CALHM2: variants seen among roughly 807,000 people sequenced by gnomAD.
CALHM2 encodes the protein calcium homeostasis modulator protein 2.
A neutral mutation model predicts 20.4 loss-of-function variants in CALHM2; 18 were observed. The observed-to-expected ratio is 0.88, with a 90% confidence interval of 0.61 to 1.31. The LOEUF is 1.31. CALHM2 is among the 50% of genes most tolerant of loss of function. The probability of loss-of-function intolerance (pLI) is 0.00; values close to 1 mark genes in which losing one functional copy is unlikely to be tolerated. For missense variants in CALHM2, 411 were observed against 435.7 expected, an observed-to-expected ratio of 0.94 and a Z score of 0.50; for synonymous variants, 193 against 192.1, an observed-to-expected ratio of 1.00 and a Z score of -0.04.
chr10:103,448,505 A>AG (rs1474752333), intron 3 of CALHM2, among the ~76,000 whole-genome samples: 1 of 151,098 alleles, frequency 6.6e-6, no homozygotes, highest in Non-Finnish European at 1.5e-5. Context: ...TGCTCCCTTG[A>AG]GGTCAGGAGT....
chr10:103,447,080 G>T lies in CALHM2; in HGVS notation c.*72C>A. On this transcript the variant is annotated 3_prime_UTR_variant, in exon 4 of 4. Coordinates refer to ENST00000260743, the MANE Select transcript of CALHM2 (RefSeq NM_015916.5). ...TTTTTAAAAATCCCCTTCTGATATG[G>T]ATGTGAGCAAGCAGTGGGGTTCAGT... 7.0e-7 allele frequency: 1 copy of T among 1,418,928 alleles called. No individual in the cohort carries two copies. Among genetic ancestry groups the T allele is most frequent in the Non-Finnish European group, 9.6e-7 (1 of 1,042,498 alleles). 87.9% of individuals were successfully genotyped at this position (1,418,928 alleles called of 1,614,324 possible).
At chr10:103,449,220 C>G in intron 3 of CALHM2, 167 bp downstream of exon 3, 1 of 688,752 alleles carries the variant, frequency 1.5e-6, no homozygotes, top group Non-Finnish European at 2.6e-6. Context: ...CTGGAACTGG[C>G]CCTTGCCCCA....
At chr10:103,449,274 T>C in intron 3 of CALHM2, 113 bp downstream of exon 3, 1 of 913,496 alleles carries the variant, frequency 1.1e-6, no homozygotes, top group Non-Finnish European at 1.8e-6. Context: ...GCTAGTGCTT[T>C]CCCACAGACC....
rs2232662 is a variant in CALHM2, at chr10:103,447,544, C to A, written c.580G>T (p.Val194Leu). The change falls in exon 4 of 4, where the codon GTG becomes TTG. Residue 194 changes from valine to leucine, a missense_variant. Transcript: ENST00000260743. ...SQLFGWLLIG[V>L]VAILVFLTKC... ...GTCAGGAACACCAGGATGGCCACCACGCCGATGAGCAGCCATCCAAAGAGC... is the reference window on the plus strand; with the variant it reads ...GTCAGGAACACCAGGATGGCCACCAAGCCGATGAGCAGCCATCCAAAGAGC... 50 of 1,599,928 alleles carry A rather than the reference C, an allele frequency of 3.1e-5. No homozygotes were observed. Among genetic ancestry groups the A allele is most frequent in the Non-Finnish European group, 4.2e-5 (49 of 1,171,196 alleles).
rs774881507 is a variant in CALHM2 at position 103,449,457 on chromosome 10, C to G, written c.485G>C (p.Cys162Ser). 1 of 1,613,296 alleles carries G rather than the reference C, an allele frequency of 6.2e-7. No individual in the cohort carries two copies. Among genetic ancestry groups the G allele is most frequent in the South Asian group, 1.1e-5 (1 of 91,092 alleles). ...HATEILARFP[C>S]KENPDNLSDF... is the part of the protein sequence containing the mutation. ...TGACAGGTTGTCAGGGTTCTCCTTGCAGGGGAACCTGGCCAGGATTTCAGT... is the reference window on the plus strand; with the variant it reads ...TGACAGGTTGTCAGGGTTCTCCTTGGAGGGGAACCTGGCCAGGATTTCAGT... Residue 162 changes from cysteine to serine, a missense_variant, in exon 3 of 4, where the codon TGC (cysteine) becomes TCC (serine). Cys to Ser is a moderately radical substitution (Grantham distance 112, BLOSUM62 -1). Transcript: ENST00000260743.
chr10:103,449,248 A>T (rs1416694212), intron 3 of CALHM2, 139 bp downstream of exon 3: 5 of 772,860 alleles, frequency 6.5e-6, no homozygotes, highest in Non-Finnish European at 9.2e-6. Context: ...CCAGTTAACC[A>T]GCCCTGATAC....
rs949606074 is a variant in CALHM2 at position 103,446,841 on chromosome 10, G to A, written c.*311C>T. On this transcript the variant is annotated 3_prime_UTR_variant, in exon 4 of 4. Transcript: ENST00000260743. ...TTTAAATATATAAAATAAGGCCAGAGGCTGCACTGGAGGCCACTTCCCAGT... is the reference window on the plus strand; with the variant it reads ...TTTAAATATATAAAATAAGGCCAGAAGCTGCACTGGAGGCCACTTCCCAGT... The A allele has an allele frequency of 1.3e-5, 4 of 299,350 alleles. No individual in the cohort carries two copies. In the South Asian group the frequency reaches 6.3e-4, roughly 47 times the overall value. 18.5% of individuals were successfully genotyped at this position (299,350 alleles called of 1,614,324 possible).
In CALHM2 at chr10:103,449,617, G is replaced by A. The variant is rs747369665; in HGVS notation, c.325C>T (p.Arg109Cys). The A allele has an allele frequency of 9.9e-6, 16 of 1,613,810 alleles. No individual in the cohort carries two copies. Among genetic ancestry groups the A allele is most frequent in the East Asian group, 6.7e-5 (3 of 44,898 alleles). ...CAGGTGACAGGGGCCACAGCCGCAC[G>A]TCCCAGGATGGAGCTTAGAAGGAGG... Reference protein sequence around the residue: ...TFLLLSSILGRAAVAPVTWSV... With the variant: ...TFLLLSSILGCAAVAPVTWSV... The change falls in exon 3 of 4, where the codon CGT becomes TGT. Residue 109 changes from arginine to cysteine, a missense_variant. Arg to Cys is a radical substitution (Grantham distance 180). Coordinates refer to ENST00000260743, the MANE Select transcript of CALHM2 (RefSeq NM_015916.5).
At position 103,447,290 on chromosome 10, in the gene CALHM2, C is replaced by A. The variant is rs1287137081; in HGVS notation, c.834G>T (p.Trp278Cys). 6.2e-7 allele frequency: 1 copy of A among 1,614,220 alleles called. No individual in the cohort carries two copies. Among genetic ancestry groups the A allele is most frequent in the Non-Finnish European group, 8.5e-7 (1 of 1,180,040 alleles). The change falls in exon 4 of 4, where the codon TGG becomes TGT. Residue 278 changes from tryptophan (W) to cysteine (C), a missense_variant. Physicochemically the swap from Trp to Cys is radical, Grantham distance 215 (BLOSUM62 -2). Transcript: ENST00000260743. ...ACAAGTAGACGCCGGTGATGGCATT[C>A]CACTGTGGCCGTGGCTGCGTGCCTT... Reference protein sequence around the residue: ...PVEGTQPRPQWNAITGVYLYR... With the variant: ...PVEGTQPRPQCNAITGVYLYR...
rs761027000 is a variant in CALHM2 at position 103,449,415 on chromosome 10, ACCT to A, written c.524_526del (p.Glu175del). 2 of 1,612,810 alleles carry A rather than the reference ACCT, an allele frequency of 1.2e-6. No individual in the cohort carries two copies. The highest frequency in any genetic ancestry group is 4.5e-5 in the East Asian group (2 of 44,878). On this transcript the variant is annotated inframe_deletion, in exon 3 of 4. Coordinates refer to ENST00000260743, the MANE Select transcript of CALHM2 (RefSeq NM_015916.5). ...GGACTCATACCTGAGCCTGCGGCTG[ACCT>A]CCTCCCGGAAGTCTGACAGGTTGTC...
At position 103,447,495 on chromosome 10, in the gene CALHM2, G is replaced by C. The variant is rs755746088; in HGVS notation, c.629C>G (p.Ser210Ter). ...GGCCTCCTGGCGGTAGCTGAGTGGT[G>C]AGCAGTAATGCTTGAGGCACTTGGT... ...FLTKCLKHYCSPLSYRQEAYW... is the reference protein window; with the variant it reads ...FLTKCLKHYC Residue 210 changes from serine to a stop codon, truncating the protein, a stop_gained, in exon 4 of 4, where the codon TCA (serine) becomes TGA (stop). Transcript: ENST00000260743. LOFTEE classifies it high-confidence loss of function. The C allele has an allele frequency of 5.0e-6, 8 of 1,613,438 alleles. No individual in the cohort carries two copies. Among genetic ancestry groups the C allele is most frequent in the Admixed American group, 3.3e-5 (2 of 59,974 alleles).
At position 103,452,149 on chromosome 10, in the gene CALHM2, T is replaced by A. The variant is rs1187811046; in HGVS notation, c.-362+7A>T. 6.6e-6 allele frequency: 1 copy of A among 152,362 alleles called. No homozygotes were observed. Among genetic ancestry groups the A allele is most frequent in the Non-Finnish European group, 1.5e-5 (1 of 68,146 alleles). 9.4% of individuals were successfully genotyped at this position (152,362 alleles called of 1,614,324 possible). ...CTGGCACACCCCAGGGAGGGCCCCT[T>A]CCTTACCTGGGGCCAGCTGTGGGCA... On this transcript the variant is annotated splice_region_variant and intron_variant, in intron 1 of 3. Coordinates refer to ENST00000260743, the MANE Select transcript of CALHM2 (RefSeq NM_015916.5).
rs994471025 is a variant in CALHM2 at position 103,451,273 on chromosome 10, C to G, written c.-349G>C. 1 of 152,368 alleles carries G rather than the reference C, an allele frequency of 6.6e-6. No individual in the cohort carries two copies. Among genetic ancestry groups the G allele is most frequent in the Non-Finnish European group, 1.5e-5 (1 of 68,136 alleles). 9.4% of individuals were successfully genotyped at this position (152,368 alleles called of 1,614,324 possible). A position where few individuals can be genotyped will look rare whatever the true frequency, so the allele number is the denominator to read the frequency against. ...TATTCTGCCTTGGTCTGGGCTGTAG[C>G]GACGCTGGCAACCTGCCGGGAAGTG... is the stretch of plus-strand genomic sequence containing the variant. On this transcript the variant is annotated 5_prime_UTR_variant, in exon 2 of 4. Transcript: ENST00000260743.
chr10:103,449,690 G>A lies in CALHM2; in HGVS notation c.252C>T (p.Ala84=), dbSNP rs200157737. Residue 84 remains alanine (A), a synonymous_variant, in exon 3 of 4, where the codon GCC becomes GCT. Transcript: ENST00000260743. The part of the protein sequence containing the change: ...ILNNHTWNLV[A]ECQHRRTKNC... ...TCTTGGTCCTCCGGTGCTGGCACTC[G>A]GCCACGAGGTTCCAGGTGTGGTTGT... 13 of 1,613,762 alleles carry A rather than the reference G, an allele frequency of 8.1e-6. No homozygotes were observed. In the African/African-American group the frequency reaches 1.5e-4, roughly 18 times the overall value.
Position 103,449,756 on chromosome 10 carries a change from G to A in CALHM2, c.186C>T (p.Gly62=), listed in dbSNP as rs764657325. ...RNYLYGLAAI[G]VPALVLFIIG... is the part of the protein sequence containing the mutation. ...TGATGAAGAGCACCAGGGCGGGCAC[G>A]CCGATGGCCGCCAGCCCGTACAGGT... Residue 62 remains glycine (G), a synonymous_variant, in exon 3 of 4, where the codon GGC becomes GGT. Coordinates refer to ENST00000260743, the MANE Select transcript of CALHM2 (RefSeq NM_015916.5). The A allele has an allele frequency of 1.2e-5, 20 of 1,613,422 alleles. 1 individual carries two copies. The South Asian group carries it at 2.1e-4, about 17-fold the overall frequency.
In CALHM2 at chr10:103,449,654, G is replaced by A. The variant is rs1019095553; in HGVS notation, c.288C>T (p.Ala96=). 5 of 1,613,776 alleles carry A rather than the reference G, an allele frequency of 3.1e-6. No homozygotes were observed. Among genetic ancestry groups the A allele is most frequent in the Non-Finnish European group, 4.2e-6 (5 of 1,180,058 alleles). The change falls in exon 3 of 4, where the codon GCC becomes GCT. Residue 96 remains alanine (A), a synonymous_variant. Transcript: ENST00000260743. ...AGCTTAGAAGGAGGAAGGTGGGGGC[G>A]GCGGAGCAGTTCTTGGTCCTCCGGT... ...CQHRRTKNCS[A]APTFLLLSSI...
intron 3 of CALHM2, 34 bp from the exon 4 acceptor site, chr10:103,447,602 G>A (rs754832685): frequency 2.6e-6 from 4 of 1,530,562 alleles, no homozygotes; most frequent in East Asian, 2.3e-5. Flanking sequence ...CAGGAGGGGC[G>A]AGGAACTGCC....
At chr10:103,448,563 T>TA (rs2133784828) in intron 3 of CALHM2, among the ~76,000 whole-genome samples, 1 of 151,544 alleles carries the variant, frequency 6.6e-6, no homozygotes, top group South Asian at 2.1e-4. Flanking sequence ...CTACTAAAAA[T>TA]ACAAAAATTA....
At position 103,449,449 on chromosome 10, in the gene CALHM2, T is replaced by G. The variant is rs759113419; in HGVS notation, c.493A>C (p.Asn165His). 2 of 1,613,176 alleles carry G rather than the reference T, an allele frequency of 1.2e-6. No homozygotes were observed. The highest frequency in any genetic ancestry group is 1.1e-5 in the South Asian group (1 of 91,084). The change falls in exon 3 of 4, where the codon AAC becomes CAC. Residue 165 changes from asparagine (N) to histidine (H), a missense_variant. By Grantham distance (68) the Asn-to-His change is moderately conservative. Transcript: ENST00000260743. Reference protein sequence around the residue: ...EILARFPCKENPDNLSDFREE... With the variant: ...EILARFPCKEHPDNLSDFREE... ...CGGAAGTCTGACAGGTTGTCAGGGT[T>G]CTCCTTGCAGGGGAACCTGGCCAGG...
Sources: gnomAD v4.1 joint callset for allele counts (sites outside exome capture counted in the v4.1 genomes callset) on GRCh38, gnomAD v4.1.1 for gene constraint, MANE v1.5 for transcripts, NCBI Gene and HGNC (gene_info 2026-07-23, HGNC 2026-07-21) for gene names.